The following MYO7A variants were observed in gnomAD, a reference collection of about 807,000 sequenced individuals.
The protein encoded by MYO7A is myosin VIIA.
A neutral mutation model predicts 263.8 loss-of-function variants in MYO7A; 210 were observed. That is an observed-to-expected ratio of 0.80 (90% confidence interval 0.71 to 0.89). MYO7A has a LOEUF of 0.89. Among genes scored for constraint, MYO7A ranks in the 40% least tolerant of loss-of-function variants. The pLI is 0.00. For synonymous variants in MYO7A, 1,239 were observed against 1,197.3 expected, an observed-to-expected ratio of 1.03 and a Z score of -0.72; for missense variants, 2,820 against 2,968.3, an observed-to-expected ratio of 0.95 and a Z score of 1.16.
chr11:77,164,708 A>T (rs1204026294), intron 14 of MYO7A, among the ~76,000 whole-genome samples: 2 of 152,244 alleles, frequency 1.3e-5, no homozygotes, highest in Non-Finnish European at 2.9e-5. Context: ...TGCTCTTAGC[A>T]TCTATTATGT....
At position 77,207,408 on chromosome 11, in the gene MYO7A, T is replaced by G; in HGVS notation, c.5856+6T>G. 1 of 1,584,448 alleles carries G rather than the reference T, an allele frequency of 6.3e-7. No homozygotes were observed. The highest frequency in any genetic ancestry group is 8.6e-7 in the Non-Finnish European group (1 of 1,159,192). ...TTGTCAAAATTGCAGACAAGGTGGG[T>G]CCTTTGCCACCTTCGCCAAGGTGGG... On this transcript the variant is annotated splice_donor_region_variant and intron_variant, in intron 42 of 48. Transcript: ENST00000409709.
At position 77,211,176 on chromosome 11, in the gene MYO7A, TACC is replaced by T. The variant is rs1957839812; in HGVS notation, c.6079_6081del (p.His2027del). 2 of 1,589,934 alleles carry T rather than the reference TACC, an allele frequency of 1.3e-6. No individual in the cohort carries two copies. The highest frequency in any genetic ancestry group is 1.8e-5 in the Admixed American group (1 of 56,738). The stretch of plus-strand genomic sequence containing the variant: ...GGAGTTGCCCAAGTATCTCCGAGGC[TACC>T]ACAAGTGCACGCGGGAGGAGGTGCT... On this transcript the variant is annotated inframe_deletion, in exon 45 of 49. Coordinates refer to ENST00000409709, the MANE Select transcript of MYO7A (RefSeq NM_000260.4).
chr11:77,210,074 C>T (rs1281359793), intron 44 of MYO7A, among the ~76,000 whole-genome samples: 6 of 152,242 alleles, frequency 3.9e-5, no homozygotes, highest in African/African-American at 1.4e-4. Context: ...AGGAAGTCTG[C>T]CCTGTCCTCA....
chr11:77,204,344 A>G, intron 39 of MYO7A, 115 bp downstream of exon 39: 1 of 1,398,650 alleles, frequency 7.1e-7, no homozygotes, highest in South Asian at 1.4e-5. Context: ...CCTCACACAG[A>G]GCCGGGAGCT....
At chr11:77,199,899 T>A in intron 35 of MYO7A, 81 bp downstream of exon 35, 5 of 1,302,984 alleles carry the variant, frequency 3.8e-6, no homozygotes, top group Non-Finnish European at 5.2e-6. Flanking sequence ...TGTGTTGCTA[T>A]AATGGAACAC....
chr11:77,210,869 A>T lies in MYO7A; in HGVS notation c.6052-283A>T, dbSNP rs1264959388. ...TCACTCTGAGTTTCTTCATCTTGAA[A>T]TGGGGCTGCTCATCTCACTGGACTG... is the stretch of plus-strand genomic sequence containing the variant. On this transcript the variant is annotated intron_variant, in intron 44 of 48. Coordinates refer to ENST00000409709, the MANE Select transcript of MYO7A (RefSeq NM_000260.4). 9.0e-6 allele frequency: 3 copies of T among 332,162 alleles called. No homozygotes were observed. The South Asian group carries it at 2.8e-4, about 31-fold the overall frequency. The allele number at this position is 332,162 out of a possible 1,614,324, so 20.6% of individuals were successfully genotyped here.
intron 4 of MYO7A, among the ~76,000 whole-genome samples, chr11:77,148,831 A>G (rs1951767124): frequency 6.6e-6 from 1 of 152,244 alleles, no homozygotes; most frequent in African/African-American, 2.4e-5. Flanking sequence ...TGGTGAGAAG[A>G]GTAGCATTGT....
rs546377399 is a variant in MYO7A at position 77,141,175 on chromosome 11, A to G, written c.19-1534A>G. Among the ~76,000 whole-genome samples the G allele has an allele frequency of 7.9e-5, 12 of 152,354 alleles. No individual in the cohort carries two copies. In the South Asian group the frequency reaches 1.9e-3, roughly 24 times the overall value. On this transcript the variant is annotated intron_variant, in intron 2 of 48. Transcript: ENST00000409709. ...TTTGTGAAGTACACTCGATGACTTC[A>G]TATGTTTGCATAGAACTTATCTCTG...
chr11:77,179,855 C>A lies in MYO7A; in HGVS notation c.2488C>A (p.Arg830Ser), dbSNP rs797044493. 21 of 1,542,010 alleles carry A rather than the reference C, an allele frequency of 1.4e-5. No homozygotes were observed. The highest frequency in any genetic ancestry group is 1.7e-5 in the Non-Finnish European group (20 of 1,146,808). Residue 830 changes from arginine to serine, a missense_variant, in exon 21 of 49, where the codon CGC becomes AGC. Coordinates refer to ENST00000409709, the MANE Select transcript of MYO7A (RefSeq NM_000260.4). ...FQARCRAYLV[R>S]KAFRHRLWAV... is the part of the protein sequence containing the mutation. ...GGCCCGCTGCCGCGCCTATCTGGTG[C>A]GCAAGGCCTTCCGCCACCGCCTCTG...
At chr11:77,147,323 G>A (rs1397632575) in intron 3 of MYO7A, among the ~76,000 whole-genome samples, 2 of 151,912 alleles carry the variant, frequency 1.3e-5, no homozygotes, top group Non-Finnish European at 2.9e-5. Flanking sequence ...CACATCTCAA[G>A]CAGCTCCCCC....
In MYO7A at chr11:77,211,143, C is replaced by G; in HGVS notation, c.6052-9C>G. On this transcript the variant is annotated splice_polypyrimidine_tract_variant and intron_variant, in intron 44 of 48. Coordinates refer to ENST00000409709, the MANE Select transcript of MYO7A (RefSeq NM_000260.4). The stretch of plus-strand genomic sequence containing the variant: ...CCTGCACGCCTGTGACCTGCTCTGT[C>G]TCTGACAGGAGTTGCCCAAGTATCT... 1 of 1,562,876 alleles carries G rather than the reference C, an allele frequency of 6.4e-7. No individual in the cohort carries two copies. Among genetic ancestry groups the G allele is most frequent in the Non-Finnish European group, 8.7e-7 (1 of 1,152,108 alleles).
chr11:77,212,344 G>A (rs1364652798), intron 46 of MYO7A: 1 of 368,198 alleles, frequency 2.7e-6, no homozygotes, highest in African/African-American at 2.1e-5. Flanking sequence ...ATAGACAAAG[G>A]CCTGGAGGTG....
At chr11:77,197,259 A>G (rs1278631969) in intron 32 of MYO7A, among the ~76,000 whole-genome samples, 1 of 152,210 alleles carries the variant, frequency 6.6e-6, no homozygotes, top group East Asian at 1.9e-4. Flanking sequence ...TTTGGGCCCC[A>G]GCACCTGCAT....
rs775908821 is a variant in MYO7A at position 77,190,090 on chromosome 11, C to G, written c.3701C>G (p.Thr1234Ser). The change falls in exon 29 of 49, where the codon ACC (threonine) becomes AGC (serine). Residue 1234 changes from threonine (T) to serine (S), a missense_variant. Coordinates refer to ENST00000409709, the MANE Select transcript of MYO7A (RefSeq NM_000260.4). ...APYCEERLRR[T>S]FVNGTRTQPP... ...TACTGTGAGGAGCGCCTGAGAAGGA[C>G]CTTTGTCAATGGGACACGGACACAG... 1.3e-5 allele frequency: 20 copies of G among 1,579,668 alleles called. No homozygotes were observed. The East Asian group carries it at 4.6e-4, about 37-fold the overall frequency.
chr11:77,149,742 G>C (rs1951836972), intron 4 of MYO7A, among the ~76,000 whole-genome samples: 1 of 152,178 alleles, frequency 6.6e-6, no homozygotes, highest in Non-Finnish European at 1.5e-5. Context: ...GGCATAGGAA[G>C]TGGCTTTCGC....
chr11:77,163,826 TG>T (rs1953251235), intron 14 of MYO7A, among the ~76,000 whole-genome samples: 1 of 82 alleles, frequency 0.012, no homozygotes, highest in African/African-American at 0.028. Flanking sequence ...TATCTGCTAA[TG>T]GACTTTTGGG....
intron 2 of MYO7A, 197 bp from the exon 3 acceptor site, chr11:77,142,512 T>G: frequency 4.7e-6 from 3 of 631,976 alleles, no homozygotes; most frequent in Non-Finnish European, 5.9e-6. Flanking sequence ...AGAGGGGGGA[T>G]TGATGAGATT....
At chr11:77,189,295 G>A in intron 27 of MYO7A, 49 bp from the exon 28 acceptor site, 1 of 1,607,924 alleles carries the variant, frequency 6.2e-7, no homozygotes, top group African/African-American at 1.3e-5. Flanking sequence ...GGGGACCGGG[G>A]CTGTTCCTGT....
rs763791145 is a variant in MYO7A, at chr11:77,203,203, G to C, written c.5312G>C (p.Cys1771Ser). ...LGSEELSQEA[C>S]LAFIAVLKYM... ...AGTGAGGAGCTCTCGCAGGAGGCCTGCCTGGCCTTCATTGATATCCGTGCC... is the reference window on the plus strand; with the variant it reads ...AGTGAGGAGCTCTCGCAGGAGGCCTCCCTGGCCTTCATTGATATCCGTGCC... The change falls in exon 38 of 49, where the codon TGC becomes TCC. Residue 1771 changes from cysteine to serine, a missense_variant. Coordinates refer to ENST00000409709, the MANE Select transcript of MYO7A (RefSeq NM_000260.4). 6 of 1,553,258 alleles carry C rather than the reference G, an allele frequency of 3.9e-6. No homozygotes were observed. In the South Asian group the frequency reaches 7.1e-5, roughly 18 times the overall value.
Sources: allele counts gnomAD v4.1 joint callset (sites outside exome capture counted in the v4.1 genomes callset), GRCh38; gene constraint gnomAD v4.1.1; transcripts MANE v1.5; gene names NCBI Gene and HGNC (gene_info 2026-07-23, HGNC 2026-07-21).